RAP1GAP: variants seen among roughly 807,000 people sequenced by gnomAD.
RAP1GAP encodes rap1 GTPase-activating protein 1.
In RAP1GAP, 35 loss-of-function variants were observed where a neutral mutation model predicts 87.2. The observed-to-expected ratio is 0.40, with a 90% CI of 0.31 to 0.53. The LOEUF (loss-of-function observed/expected upper bound fraction) is 0.53, where lower values mean the gene tolerates loss of function less well. Among genes scored for constraint, RAP1GAP ranks in the 20% least tolerant of loss-of-function variants. The pLI is 0.48. For synonymous variants in RAP1GAP, 375 were observed against 363.9 expected, an observed-to-expected ratio of 1.03 and a Z score of -0.35; for missense variants, 734 against 898.9, an observed-to-expected ratio of 0.82 and a Z score of 2.35.
At chr1:21,605,002 TG>T (rs1254176546) in intron 18 of RAP1GAP, among the ~76,000 whole-genome samples, 6 of 16,784 alleles carry the variant, frequency 3.6e-4, no homozygotes, top group African/African-American at 1.5e-3. Context: ...GGTGGATGGG[TG>T]GGTGGGTGGA....
intron 1 of RAP1GAP, among the ~76,000 whole-genome samples, chr1:21,664,796 A>AT (rs1440246981): frequency 6.6e-5 from 10 of 151,830 alleles, no homozygotes; most frequent in African/African-American, 2.4e-4. Context: ...TTTAGAAAAG[A>AT]TTTTTCTCCA....
chr1:21,617,288 C>A lies in RAP1GAP; in HGVS notation c.291+18G>T, dbSNP rs2275361. 0.092 allele frequency: 143,857 copies of A among 1,556,020 alleles called. 9,040 individuals carry two copies. The highest frequency in any genetic ancestry group is 0.35 in the East Asian group (14,499 of 41,532). ...TGACCCACCCCAGCCAGCCCCGCTG[C>A]ACCAGCCGGCCACCCACCTTGCCGA... On this transcript the variant is annotated intron_variant, in intron 7 of 24. Coordinates refer to ENST00000374765, the MANE Select transcript of RAP1GAP (RefSeq NM_002885.4).
intron 1 of RAP1GAP, chr1:21,651,423 T>C (rs763684753): frequency 1.1e-5 from 6 of 564,840 alleles, no homozygotes; most frequent in Non-Finnish European, 2.1e-5. Flanking sequence ...CACACACGCA[T>C]GCACACACAC....
intron 1 of RAP1GAP, among the ~76,000 whole-genome samples, chr1:21,664,904 G>T (rs1344184193): frequency 1.3e-5 from 2 of 152,050 alleles, no homozygotes; most frequent in Non-Finnish European, 2.9e-5. Context: ...GTCTGGCCTC[G>T]CAAACAACAT....
chr1:21,613,208 C>T lies in RAP1GAP; in HGVS notation c.496G>A (p.Val166Met). The change falls in exon 10 of 25, where the codon GTG becomes ATG. Residue 166 changes from valine (V) to methionine (M), a missense_variant. Val to Met is a conservative substitution (Grantham distance 21, BLOSUM62 1). This residue lies in a region of RAP1GAP where 485 missense variants were observed against 646.2 expected (regional missense o/e 0.75). Coordinates refer to ENST00000374765, the MANE Select transcript of RAP1GAP (RefSeq NM_002885.4). This position sits in a 1 kb window ranked among gnomAD's most constrained non-coding sequence, Gnocchi z 4.7. ...TAGAGCACAGGATAGAACCGATCCACATTGACGTCTTCACACACCAACTGC... is the reference window on the plus strand; with the variant it reads ...TAGAGCACAGGATAGAACCGATCCATATTGACGTCTTCACACACCAACTGC... ...MAKLVCEDVN[V>M]DRFYPVLYPK... is the part of the protein sequence containing the mutation. The T allele has an allele frequency of 6.4e-7, 1 of 1,564,256 alleles. No individual in the cohort carries two copies. Among genetic ancestry groups the T allele is most frequent in the Non-Finnish European group, 8.8e-7 (1 of 1,134,750 alleles).
At chr1:21,628,400 TAAAAAAAAAAAAAAAA>T (rs528098037) in intron 2 of RAP1GAP, among the ~76,000 whole-genome samples, 28 of 52,438 alleles carry the variant, frequency 5.3e-4, no homozygotes, top group Middle Eastern at 0.011. Context: ...CCATCTCTAC[TAAAAAAAAAAAAAAAA>T]AAAAAAAAAA....
chr1:21,612,045 A>G lies in RAP1GAP; in HGVS notation c.593T>C (p.Ile198Thr), dbSNP rs1352888127. The stretch of plus-strand genomic sequence containing the variant: ...GCACACCTGCCCAAGCTTCTGATAA[A>G]TGACGCCAAACTTGAAGTTATTGCT... ...VISNNFKFGV[I>T]YQKLGQTSEE... The change falls in exon 11 of 25, where the codon ATT becomes ACT. Residue 198 changes from isoleucine (I) to threonine (T), a missense_variant. By Grantham distance (89) the Ile-to-Thr change is moderately conservative. This residue lies in a region of RAP1GAP where 485 missense variants were observed against 646.2 expected (regional missense o/e 0.75). Coordinates refer to ENST00000374765, the MANE Select transcript of RAP1GAP (RefSeq NM_002885.4). 1.3e-6 allele frequency: 2 copies of G among 1,554,626 alleles called. No homozygotes were observed. Among genetic ancestry groups the G allele is most frequent in the Non-Finnish European group, 8.7e-7 (1 of 1,148,254 alleles).
intron 3 of RAP1GAP, among the ~76,000 whole-genome samples, chr1:21,625,841 G>A (rs1295626439): frequency 6.6e-6 from 1 of 152,166 alleles, no homozygotes; most frequent in East Asian, 1.9e-4. Flanking sequence ...CTGGGCAAAC[G>A]TTTGATTTTA....
At chr1:21,643,553 T>A in intron 2 of RAP1GAP, among the ~76,000 whole-genome samples, 1 of 111,710 alleles carries the variant, frequency 9.0e-6, no homozygotes, top group African/African-American at 3.8e-5. Context: ...CAAGACTCCG[T>A]CTCAAAAAAA....
intron 10 of RAP1GAP, among the ~76,000 whole-genome samples, chr1:21,612,703 T>G (rs1261314097): frequency 6.6e-6 from 1 of 152,186 alleles, no homozygotes; most frequent in Non-Finnish European, 1.5e-5. Flanking sequence ...GAGGTGCCCC[T>G]GGCTCATCCA....
chr1:21,628,581 A>G (rs1202564090), intron 2 of RAP1GAP, among the ~76,000 whole-genome samples: 1 of 152,086 alleles, frequency 6.6e-6, no homozygotes, highest in Non-Finnish European at 1.5e-5. Flanking sequence ...TTAACTGGGC[A>G]TGGTGGTGCA....
rs1055452858 is a variant in RAP1GAP, at chr1:21,613,545, G to C, written c.474+83C>G. The stretch of plus-strand genomic sequence containing the variant: ...CCAGGGCTAGGGCCTACAGCTGAAG[G>C]GGACGCGCCAAGGCAAGCTGAAGCC... On this transcript the variant is annotated intron_variant, in intron 9 of 24. Transcript: ENST00000374765. This position sits in a 1 kb window ranked among gnomAD's most constrained non-coding sequence, Gnocchi z 4.7. 9.3e-6 allele frequency: 12 copies of C among 1,293,650 alleles called. No individual in the cohort carries two copies. Among genetic ancestry groups the C allele is most frequent in the Non-Finnish European group, 1.3e-5 (12 of 891,494 alleles). 80.1% of individuals were successfully genotyped at this position (1,293,650 alleles called of 1,614,324 possible).
In RAP1GAP at chr1:21,609,660, C is replaced by T. The variant is rs1335707904; in HGVS notation, c.1000-14G>A. The T allele has an allele frequency of 1.4e-5, 22 of 1,557,234 alleles. No individual in the cohort carries two copies. The highest frequency in any genetic ancestry group is 1.3e-5 in the South Asian group (1 of 78,668). On this transcript the variant is annotated splice_polypyrimidine_tract_variant and intron_variant, in intron 14 of 24. Transcript: ENST00000374765. The surrounding 1 kb of genome is among the most constrained non-coding windows in gnomAD (Gnocchi z 4.4). The stretch of plus-strand genomic sequence containing the variant: ...AGTGACAGAGACCTGGAAGGGAGGG[C>T]AGCTGTCTGTTCCTGTGGAGCCTGG...
chr1:21,613,695 C>T lies in RAP1GAP; in HGVS notation c.407G>A (p.Arg136Gln), dbSNP rs771387450. 1.9e-5 allele frequency: 30 copies of T among 1,612,732 alleles called. No individual in the cohort carries two copies. The highest frequency in any genetic ancestry group is 4.4e-5 in the South Asian group (4 of 91,046). The change falls in exon 9 of 25, where the codon CGG (arginine) becomes CAG (glutamine). Residue 136 changes from arginine to glutamine, a missense_variant. Arg to Gln is a conservative substitution (Grantham distance 43). Around this residue, in one of 2 missense-constraint regions of RAP1GAP, gnomAD observed 485 missense variants for 646.2 expected, o/e 0.75. Transcript: ENST00000374765. The surrounding 1 kb of genome is among the most constrained non-coding windows in gnomAD (Gnocchi z 4.7). ...GATGGGGATGACATCATGGTATGTC[C>T]GGCACTTGGTCCTGAGAAGAGAAAG... ...HLRLLLRTKCRTYHDVIPISC... is the reference protein window; with the variant it reads ...HLRLLLRTKCQTYHDVIPISC...
chr1:21,640,754 C>T (rs1372249485), intron 2 of RAP1GAP, among the ~76,000 whole-genome samples: 1 of 152,160 alleles, frequency 6.6e-6, no homozygotes, highest in Non-Finnish European at 1.5e-5. Context: ...CTGACTCTGC[C>T]CTGCAGTGAG....
chr1:21,609,652 A>G lies in RAP1GAP; in HGVS notation c.1000-6T>C. ...TCTCTTGCAGTGACAGAGACCTGGAAGGGAGGGCAGCTGTCTGTTCCTGTG... is the reference window on the plus strand; with the variant it reads ...TCTCTTGCAGTGACAGAGACCTGGAGGGGAGGGCAGCTGTCTGTTCCTGTG... On this transcript the variant is annotated splice_polypyrimidine_tract_variant and splice_region_variant and intron_variant, in intron 14 of 24. Transcript: ENST00000374765. The surrounding 1 kb of genome is among the most constrained non-coding windows in gnomAD (Gnocchi z 4.4). 1 of 1,566,600 alleles carries G rather than the reference A, an allele frequency of 6.4e-7. No homozygotes were observed. Among genetic ancestry groups the G allele is most frequent in the Non-Finnish European group, 8.6e-7 (1 of 1,156,536 alleles).
In RAP1GAP at chr1:21,615,472, A is replaced by G. The variant is rs186730227; in HGVS notation, c.292-1383T>C. ...AGTGGCACCATCTCAGCTCACTGCA[A>G]TCTCCACCTCCCAGGTTCAAGCGAT... On this transcript the variant is annotated intron_variant, in intron 7 of 24. Transcript: ENST00000374765. This position sits in a 1 kb window ranked among gnomAD's most constrained non-coding sequence, Gnocchi z 4.5. 3.3e-5 allele frequency among the ~76,000 whole-genome samples: 5 copies of G among 151,946 alleles called. No individual in the cohort carries two copies. In the East Asian group the frequency reaches 9.7e-4, roughly 29 times the overall value.
intron 2 of RAP1GAP, among the ~76,000 whole-genome samples, chr1:21,641,187 C>A (rs1157508939): frequency 6.6e-6 from 1 of 151,552 alleles, no homozygotes; most frequent in Non-Finnish European, 1.5e-5. Context: ...CCCCAGAGTG[C>A]TAGGATTACA....
chr1:21,609,563 G>A lies in RAP1GAP; in HGVS notation c.1071+12C>T. 1 of 1,489,954 alleles carries A rather than the reference G, an allele frequency of 6.7e-7. No homozygotes were observed. Among genetic ancestry groups the A allele is most frequent in the Non-Finnish European group, 9.1e-7 (1 of 1,101,664 alleles). The allele number at this position is 1,489,954 out of a possible 1,614,324, so 92.3% of individuals were successfully genotyped here. A position where few individuals can be genotyped will look rare whatever the true frequency, so the allele number is the denominator to read the frequency against. On this transcript the variant is annotated intron_variant, in intron 15 of 24. Coordinates refer to ENST00000374765, the MANE Select transcript of RAP1GAP (RefSeq NM_002885.4). This position sits in a 1 kb window ranked among gnomAD's most constrained non-coding sequence, Gnocchi z 4.4. ...GTCCTGCTCTGCCCATGACTGGGGGGGTGCCCCTCACCTTCCTGAACACAG... is the reference window on the plus strand; with the variant it reads ...GTCCTGCTCTGCCCATGACTGGGGGAGTGCCCCTCACCTTCCTGAACACAG...
Sources: allele counts gnomAD v4.1 joint callset (sites outside exome capture counted in the v4.1 genomes callset), GRCh38; gene constraint gnomAD v4.1.1; regional missense constraint gnomAD v4.1.1; non-coding constraint Gnocchi (gnomAD v3.1); transcripts MANE v1.5; gene names NCBI Gene and HGNC (gene_info 2026-07-23, HGNC 2026-07-21).